Variants in NOL4L observed in about 807,000 individuals in gnomAD.
NOL4L encodes the protein nucleolar protein 4 like.
Under a neutral mutation model 64.5 loss-of-function variants are expected in NOL4L, and 7 were observed. The observed-to-expected ratio is 0.11, with a 90% CI of 0.06 to 0.20. NOL4L has a LOEUF of 0.20. NOL4L is among the 10% of genes least tolerant of loss of function. NOL4L has a pLI of 1.00. For synonymous variants in NOL4L, 413 were observed against 401.0 expected (o/e 1.03, Z -0.36); for missense variants, 680 against 967.1 (o/e 0.70, Z 3.94).
intron 1 of NOL4L, chr20:32,537,246 C>A (rs1238643639): frequency 2.5e-6 from 1 of 401,868 alleles, no homozygotes; most frequent in African/African-American, 2.2e-5. Context: ...CGGGGTGTGG[C>A]CATTTGCCCA....
intron 1 of NOL4L, among the ~76,000 whole-genome samples, chr20:32,559,120 G>A (rs1978843980): frequency 6.6e-6 from 1 of 152,144 alleles, no homozygotes; most frequent in African/African-American, 2.4e-5. Flanking sequence ...GCCTTCCCTG[G>A]CCCCCAGGCA....
chr20:32,577,413 G>T (rs564057712), intron 1 of NOL4L, among the ~76,000 whole-genome samples: 1 of 152,226 alleles, frequency 6.6e-6, no homozygotes. Flanking sequence ...CAGAGGCAGG[G>T]AGATCACTGG....
chr20:32,453,693 C>G lies in NOL4L; in HGVS notation c.1188G>C (p.Leu396=), dbSNP rs765708805. The change falls in exon 7 of 11, where the codon CTG becomes CTC. Residue 396 remains leucine, a synonymous_variant. Transcript: ENST00000621426. This position sits in a 1 kb window ranked among gnomAD's most constrained non-coding sequence, Gnocchi z 5.6. ...CTGCCGTCGGGGCCCGGCCCACTGT[C>G]AGGTCCTCAGGGCAGCCGCTGACCT... is the stretch of plus-strand genomic sequence containing the variant. ...KTEVSGCPED[L]TVGRAPTADD... The G allele has an allele frequency of 6.4e-7, 1 of 1,564,854 alleles. No individual in the cohort carries two copies. The highest frequency in any genetic ancestry group is 1.4e-5 in the African/African-American group (1 of 73,680).
At chr20:32,491,339 T>A (rs1364711384) in intron 4 of NOL4L, among the ~76,000 whole-genome samples, 1 of 152,194 alleles carries the variant, frequency 6.6e-6, no homozygotes, top group Non-Finnish European at 1.5e-5. Flanking sequence ...CACTGAAGGA[T>A]GAATGGGTGT....
rs1261608593 is a variant in NOL4L, at chr20:32,447,288, G to A, written c.*308C>T. 9 of 581,214 alleles carry A rather than the reference G, an allele frequency of 1.5e-5. No homozygotes were observed. The East Asian group carries it at 3.6e-4, about 23-fold the overall frequency. The allele number at this position is 581,214 out of a possible 1,614,324, so 36.0% of individuals were successfully genotyped here. A position where few individuals can be genotyped will look rare whatever the true frequency, so the allele number is the denominator to read the frequency against. ...GGATTCTAACATCAGGGTCCACGAAGGTGATTCTAAACAGAGCTGCAGCCC... is the reference window on the plus strand; with the variant it reads ...GGATTCTAACATCAGGGTCCACGAAAGTGATTCTAAACAGAGCTGCAGCCC... On this transcript the variant is annotated 3_prime_UTR_variant, in exon 11 of 11. Coordinates refer to ENST00000621426, the MANE Select transcript of NOL4L (RefSeq NM_001256798.2).
At chr20:32,580,597 T>C (rs1980403670) in intron 1 of NOL4L, among the ~76,000 whole-genome samples, 1 of 152,170 alleles carries the variant, frequency 6.6e-6, no homozygotes, top group Non-Finnish European at 1.5e-5. Context: ...AGAGTGGAGT[T>C]TGGCAATCTC....
intron 6 of NOL4L, among the ~76,000 whole-genome samples, chr20:32,455,829 G>A (rs2145435286): frequency 6.6e-6 from 1 of 152,324 alleles, no homozygotes; most frequent in East Asian, 1.9e-4. Flanking sequence ...TGGGGGAGGG[G>A]GATGGGTTGT....
Position 32,584,894 on chromosome 20 carries a change from C to A in NOL4L, c.-4G>T, listed in dbSNP as rs1980789039. 1.6e-6 allele frequency: 2 copies of A among 1,235,438 alleles called. No homozygotes were observed. The highest frequency in any genetic ancestry group is 4.2e-5 in the Admixed American group (1 of 23,824). The allele number at this position is 1,235,438 out of a possible 1,614,324, so 76.5% of individuals were successfully genotyped here. On this transcript the variant is annotated 5_prime_UTR_variant, in exon 1 of 11. Transcript: ENST00000621426. ...GCAGCAGCGTCGGCTTCGGCATCCT[C>A]CCGCCGCGCCCGGCGCCCTCGGGGG...
rs1324098358 is a variant in NOL4L, at chr20:32,444,801, G to A, written c.*2795C>T. ...CTTCAGAAGATTTTTAAATGGCTGT[G>A]GGACAAGGGCTTTGGGAGCTCCTTT... On this transcript the variant is annotated 3_prime_UTR_variant, in exon 11 of 11. Coordinates refer to ENST00000621426, the MANE Select transcript of NOL4L (RefSeq NM_001256798.2). The A allele has an allele frequency of 1.3e-5, 2 of 152,210 alleles. No homozygotes were observed. Among genetic ancestry groups the A allele is most frequent in the Non-Finnish European group, 2.9e-5 (2 of 68,050 alleles). 9.4% of individuals were successfully genotyped at this position (152,210 alleles called of 1,614,324 possible). A position where few individuals can be genotyped will look rare whatever the true frequency, so the allele number is the denominator to read the frequency against.
intron 1 of NOL4L, among the ~76,000 whole-genome samples, chr20:32,562,513 C>T (rs1979092514): frequency 1.3e-5 from 2 of 152,154 alleles, no homozygotes; most frequent in African/African-American, 4.8e-5. Flanking sequence ...GACACCCACC[C>T]TCTGCTTAGC....
chr20:32,461,850 C>G (rs2014100072), intron 5 of NOL4L, among the ~76,000 whole-genome samples: 1 of 151,862 alleles, frequency 6.6e-6, no homozygotes, highest in Non-Finnish European at 1.5e-5. Context: ...GCCCAGCCTT[C>G]ACAGAAGCGG....
chr20:32,448,625 G>A (rs900986554), intron 10 of NOL4L, among the ~76,000 whole-genome samples: 3 of 152,226 alleles, frequency 2.0e-5, no homozygotes, highest in Admixed American at 6.5e-5. Context: ...CATGCTGCTA[G>A]GATACGAGGG....
chr20:32,490,877 G>A (rs2016439731), intron 4 of NOL4L, among the ~76,000 whole-genome samples: 1 of 152,152 alleles, frequency 6.6e-6, no homozygotes, highest in African/African-American at 2.4e-5. Context: ...GCTCTCTCTG[G>A]TCTGGCGTTG....
rs565565337 is a variant in NOL4L, at chr20:32,472,781, C to T, written c.841+1820G>A. ...GTGGCCCACAACTCCATGAGTGTCT[C>T]GGAGGGGACAGTGAGGCCCACGGCC... is the stretch of plus-strand genomic sequence containing the variant. On this transcript the variant is annotated intron_variant, in intron 5 of 10. Coordinates refer to ENST00000621426, the MANE Select transcript of NOL4L (RefSeq NM_001256798.2). Among the ~76,000 whole-genome samples, 6 of 152,210 alleles carry T rather than the reference C, an allele frequency of 3.9e-5. No individual in the cohort carries two copies. In the East Asian group the frequency reaches 9.7e-4, roughly 25 times the overall value.
At chr20:32,515,657 G>A (rs1349654915) in intron 3 of NOL4L, among the ~76,000 whole-genome samples, 1 of 152,164 alleles carries the variant, frequency 6.6e-6, no homozygotes, top group African/African-American at 2.4e-5. Flanking sequence ...GAACAAGGAA[G>A]AAGTGGGTTC....
intron 1 of NOL4L, chr20:32,536,045 C>A: frequency 1.0e-6 from 1 of 985,704 alleles, no homozygotes. Context: ...CCTGCCTGGG[C>A]CTCAGTTTCC....
At chr20:32,507,237 A>G (rs1406766414) in intron 4 of NOL4L, among the ~76,000 whole-genome samples, 1 of 152,212 alleles carries the variant, frequency 6.6e-6, no homozygotes, top group Admixed American at 6.5e-5. Context: ...CCAAATAAAA[A>G]AACTCTTTGA....
At chr20:32,530,540 CA>C (rs142582061) in intron 1 of NOL4L, among the ~76,000 whole-genome samples, 168 of 126,586 alleles carry the variant, frequency 1.3e-3, no homozygotes, top group Middle Eastern at 4.9e-3. Flanking sequence ...GATTCCATCT[CA>C]AAAAAAAAAA....
chr20:32,484,289 C>A (rs1045604806), intron 4 of NOL4L, among the ~76,000 whole-genome samples: 1 of 151,952 alleles, frequency 6.6e-6, no homozygotes, highest in Non-Finnish European at 1.5e-5. Context: ...AAGCCAGGCA[C>A]GTGGCCGGCT....
Sources: allele counts gnomAD v4.1 joint callset (sites outside exome capture counted in the v4.1 genomes callset), GRCh38; gene constraint gnomAD v4.1.1; non-coding constraint Gnocchi (gnomAD v3.1); transcripts MANE v1.5; gene names NCBI Gene and HGNC (gene_info 2026-07-23, HGNC 2026-07-21).